TLN2: variants seen among roughly 807,000 people sequenced by gnomAD.
TLN2 encodes the protein talin 2.
In TLN2, 118 loss-of-function variants were observed where a neutral mutation model predicts 294.7. That is an observed-to-expected ratio of 0.40 (90% CI 0.34 to 0.47). The LOEUF is 0.47. Ranked by LOEUF, TLN2 falls within the 20% of genes least tolerant of loss-of-function variation. The probability of loss-of-function intolerance (pLI) is 0.84; values close to 1 mark genes in which losing one functional copy is unlikely to be tolerated. For synonymous variants in TLN2, 1,431 were observed against 1,304.5 expected, an observed-to-expected ratio of 1.10 and a Z score of -2.09; for missense variants, 3,083 against 3,282.2, an observed-to-expected ratio of 0.94 and a Z score of 1.48.
intron 1 of TLN2, among the ~76,000 whole-genome samples, chr15:62,550,199 G>A (rs2042217856): frequency 6.6e-6 from 1 of 152,130 alleles, no homozygotes; most frequent in Non-Finnish European, 1.5e-5. Flanking sequence ...GGAAGTTAAA[G>A]GCATCAGCCA....
At chr15:62,534,367 G>T (rs996231387) in intron 1 of TLN2, among the ~76,000 whole-genome samples, 2 of 152,190 alleles carry the variant, frequency 1.3e-5, no homozygotes, top group Admixed American at 6.5e-5. Context: ...ATATGCTGGG[G>T]GTTCCCATGA....
At chr15:62,430,707 T>G (rs1378066909) in intron 1 of TLN2, among the ~76,000 whole-genome samples, 6 of 152,254 alleles carry the variant, frequency 3.9e-5, no homozygotes, top group African/African-American at 1.4e-4. Flanking sequence ...TCAAACCCCA[T>G]GTCGATCATG....
intron 1 of TLN2, chr15:62,561,278 C>G (rs535583124): frequency 2.0e-4 from 31 of 152,314 alleles, no homozygotes; most frequent in African/African-American, 7.5e-4. Context: ...AGTCCAATCT[C>G]TGGTCTGATT....
chr15:62,432,860 C>T (rs1031519848), intron 1 of TLN2, among the ~76,000 whole-genome samples: 1 of 152,012 alleles, frequency 6.6e-6, no homozygotes, highest in African/African-American at 2.4e-5. Flanking sequence ...CCAGAAAATC[C>T]CTCACATAAC....
chr15:62,685,596 C>G (rs188499142), intron 11 of TLN2, among the ~76,000 whole-genome samples: 2 of 152,176 alleles, frequency 1.3e-5, no homozygotes, highest in Non-Finnish European at 2.9e-5. Flanking sequence ...GCTTTCATCA[C>G]TAGTGACCCG....
intron 1 of TLN2, among the ~76,000 whole-genome samples, chr15:62,552,498 C>T (rs1253335096): frequency 6.6e-6 from 1 of 152,132 alleles, no homozygotes; most frequent in Non-Finnish European, 1.5e-5. Context: ...TGTTTTAGCT[C>T]TCATACTGTA....
intron 33 of TLN2, 119 bp downstream of exon 33, chr15:62,748,563 C>A (rs1476391446): frequency 2.4e-6 from 2 of 821,398 alleles, no homozygotes; most frequent in African/African-American, 3.5e-5. Flanking sequence ...GTTTTCTCTT[C>A]TCTGTCCTTG....
chr15:62,546,665 T>A (rs1337852317), intron 1 of TLN2, among the ~76,000 whole-genome samples: 3 of 152,174 alleles, frequency 2.0e-5, no homozygotes, highest in Non-Finnish European at 4.4e-5. Context: ...CATGAGGCCA[T>A]CTTGGCACCA....
chr15:62,630,747 TAAA>T, intron 3 of TLN2, among the ~76,000 whole-genome samples: 1 of 152,040 alleles, frequency 6.6e-6, no homozygotes, highest in East Asian at 1.9e-4. Flanking sequence ...ACTAAATCAA[TAAA>T]GAAGAGAATG....
intron 1 of TLN2, among the ~76,000 whole-genome samples, chr15:62,432,969 A>T (rs1389769461): frequency 1.3e-5 from 2 of 152,124 alleles, no homozygotes; most frequent in African/African-American, 4.8e-5. Flanking sequence ...GATGTGTTTG[A>T]CATAGTTTCT....
intron 1 of TLN2, among the ~76,000 whole-genome samples, chr15:62,515,032 C>G (rs2040116764): frequency 6.6e-6 from 1 of 152,140 alleles, no homozygotes; most frequent in African/African-American, 2.4e-5. Flanking sequence ...CCTTGGAACT[C>G]CCTACACACT....
intron 52 of TLN2, among the ~76,000 whole-genome samples, chr15:62,810,436 C>T (rs1050182574): frequency 6.6e-6 from 1 of 152,162 alleles, no homozygotes; most frequent in Non-Finnish European, 1.5e-5. Context: ...TGCCAGCCTC[C>T]GTGGCAAGTG....
intron 45 of TLN2, among the ~76,000 whole-genome samples, chr15:62,789,757 GC>G (rs1215011947): frequency 6.6e-6 from 1 of 152,208 alleles, no homozygotes; most frequent in Non-Finnish European, 1.5e-5. Context: ...AAGTTTGAGA[GC>G]CTGGGTCTCT....
intron 1 of TLN2, among the ~76,000 whole-genome samples, chr15:62,474,385 A>G (rs925416389): frequency 1.3e-5 from 2 of 151,762 alleles, no homozygotes; most frequent in Non-Finnish European, 2.9e-5. Flanking sequence ...GCACATGCCT[A>G]TAATCCCAGT....
At chr15:62,770,917 G>A (rs762545988) in intron 41 of TLN2, 47 bp from the exon 42 acceptor site, 54 of 1,572,922 alleles carry the variant, frequency 3.4e-5, no homozygotes, top group South Asian at 7.0e-5. Context: ...AAGGAGACAC[G>A]TGTATTTACA....
At chr15:62,433,482 G>A (rs947445414) in intron 1 of TLN2, among the ~76,000 whole-genome samples, 7 of 152,114 alleles carry the variant, frequency 4.6e-5, no homozygotes, top group Non-Finnish European at 7.4e-5. Flanking sequence ...TCTGTTTCTA[G>A]TCTTGGTGTT....
At chr15:62,517,519 G>A (rs1362131552) in intron 1 of TLN2, among the ~76,000 whole-genome samples, 1 of 152,186 alleles carries the variant, frequency 6.6e-6, no homozygotes, top group South Asian at 2.1e-4. Context: ...GAAAAATGAG[G>A]TGGTGATTGC....
intron 1 of TLN2, among the ~76,000 whole-genome samples, chr15:62,529,524 C>G (rs1567061956): frequency 6.8e-6 from 1 of 146,406 alleles, no homozygotes; most frequent in African/African-American, 2.6e-5. Flanking sequence ...CCTTGCCTCT[C>G]TTGTTTTTTT....
chr15:62,482,486 C>T (rs1329643188), intron 1 of TLN2, among the ~76,000 whole-genome samples: 2 of 151,370 alleles, frequency 1.3e-5, no homozygotes, highest in African/African-American at 4.9e-5. Context: ...CCTGTAATCC[C>T]AGCTACTCAG....
Sources: allele counts gnomAD v4.1 joint callset (sites outside exome capture counted in the v4.1 genomes callset), GRCh38; gene constraint gnomAD v4.1.1; transcripts MANE v1.5; gene names NCBI Gene and HGNC (gene_info 2026-07-23, HGNC 2026-07-21).